The following SPATS2 variants were observed in gnomAD, a reference collection of about 807,000 sequenced individuals.
SPATS2 encodes spermatogenesis-associated serine-rich protein 2.
In SPATS2, 38 loss-of-function variants were observed where a neutral mutation model predicts 63.7. The observed-to-expected ratio is 0.60, with a 90% CI of 0.46 to 0.78. The LOEUF (loss-of-function observed/expected upper bound fraction) is 0.78. Ranked by LOEUF, SPATS2 falls within the 30% of genes least tolerant of loss-of-function variation. The probability of loss-of-function intolerance (pLI) is 0.00; values close to 1 mark genes in which losing one functional copy is unlikely to be tolerated. For missense variants in SPATS2, 588 were observed against 666.2 expected (o/e 0.88, Z 1.29); for synonymous variants, 207 against 232.9 (o/e 0.89, Z 1.01).
chr12:49,454,948 G>A (rs929814578), intron 2 of SPATS2, among the ~76,000 whole-genome samples: 8 of 150,230 alleles, frequency 5.3e-5, no homozygotes, highest in African/African-American at 1.5e-4. Flanking sequence ...ACCTCTTCAC[G>A]TTCATGCTAG....
chr12:49,477,999 G>T, intron 3 of SPATS2, among the ~76,000 whole-genome samples: 1 of 143,266 alleles, frequency 7.0e-6, no homozygotes, highest in Middle Eastern at 3.6e-3. Flanking sequence ...TTTTGAGACA[G>T]GGTCTTGCTC....
chr12:49,487,480 G>A (rs1051056649), intron 4 of SPATS2, among the ~76,000 whole-genome samples: 14 of 151,946 alleles, frequency 9.2e-5, no homozygotes, highest in African/African-American at 2.7e-4. Context: ...GTGAGACTCC[G>A]CCTCCAAAAA....
chr12:49,501,843 T>A (rs574025299), intron 9 of SPATS2, among the ~76,000 whole-genome samples: 2 of 152,310 alleles, frequency 1.3e-5, no homozygotes, highest in South Asian at 4.1e-4. Flanking sequence ...GGTCTCGAAC[T>A]CCTGACCTCA....
intron 5 of SPATS2, among the ~76,000 whole-genome samples, chr12:49,489,954 C>T (rs569268749): frequency 4.6e-5 from 7 of 152,278 alleles, no homozygotes; most frequent in East Asian, 1.9e-4. Context: ...TATTGTCTTC[C>T]GGATTCTAAT....
intron 3 of SPATS2, among the ~76,000 whole-genome samples, chr12:49,475,076 A>C (rs966731747): frequency 6.6e-6 from 1 of 152,190 alleles, no homozygotes; most frequent in African/African-American, 2.4e-5. Context: ...CCCACAACAC[A>C]TGGGAATTAT....
chr12:49,423,722 C>A (rs1286426656), intron 2 of SPATS2, among the ~76,000 whole-genome samples: 3 of 152,172 alleles, frequency 2.0e-5, no homozygotes, highest in African/African-American at 7.2e-5. Flanking sequence ...TAAAGAAACC[C>A]TGTAAGTAAC....
intron 2 of SPATS2, chr12:49,389,472 A>G (rs1944381430): frequency 2.6e-6 from 2 of 755,018 alleles, no homozygotes; most frequent in Admixed American, 2.0e-5. Flanking sequence ...TCATCGCCAC[A>G]GCTGACGGCT....
intron 2 of SPATS2, among the ~76,000 whole-genome samples, chr12:49,408,449 T>G (rs891543770): frequency 5.3e-5 from 8 of 151,524 alleles, no homozygotes; most frequent in African/African-American, 1.7e-4. Flanking sequence ...GACAGGGTTT[T>G]GCCATGTTGG....
At chr12:49,488,530 T>C (rs990861299) in intron 4 of SPATS2, among the ~76,000 whole-genome samples, 2 of 151,938 alleles carry the variant, frequency 1.3e-5, no homozygotes, top group African/African-American at 4.8e-5. Context: ...TGGTGGCACA[T>C]GCCTGTAATC....
At chr12:49,410,932 T>C (rs1387932315) in intron 2 of SPATS2, among the ~76,000 whole-genome samples, 1 of 136,148 alleles carries the variant, frequency 7.3e-6, no homozygotes, top group Non-Finnish European at 1.7e-5. Flanking sequence ...CCTGACACTT[T>C]TAGTTTTATA....
chr12:49,385,136 T>G (rs7969099), intron 2 of SPATS2, among the ~76,000 whole-genome samples: 44,911 of 151,906 alleles, frequency 0.3, 8,976 homozygotes, highest in African/African-American at 0.57. Flanking sequence ...AAGTTTTACT[T>G]AGTGCCTACT....
At position 49,484,577 on chromosome 12, in the gene SPATS2, C is replaced by T. The variant is rs1946257579; in HGVS notation, c.26-13C>T. 1.2e-6 allele frequency: 2 copies of T among 1,612,610 alleles called. No homozygotes were observed. The highest frequency in any genetic ancestry group is 1.1e-5 in the South Asian group (1 of 90,924). On this transcript the variant is annotated splice_polypyrimidine_tract_variant and intron_variant, in intron 3 of 13. Coordinates refer to ENST00000552918, the MANE Select transcript of SPATS2 (RefSeq NM_023071.4). ...TGGATCATGTTGAATATATTTTTCC[C>T]TTATTCTTTCAGATTCATCAGGATT... is the stretch of plus-strand genomic sequence containing the variant.
chr12:49,437,575 C>T (rs1461273194), intron 2 of SPATS2, among the ~76,000 whole-genome samples: 2 of 152,212 alleles, frequency 1.3e-5, no homozygotes, highest in Non-Finnish European at 2.9e-5. Context: ...GTCTGCCATC[C>T]CGGCACCTCG....
At position 49,449,921 on chromosome 12, in the gene SPATS2, AT is replaced by A. The variant is rs367704050; in HGVS notation, c.-243-10846del. On this transcript the variant is annotated intron_variant, in intron 2 of 13. Transcript: ENST00000552918. The stretch of plus-strand genomic sequence containing the variant: ...AGAGTGGGATACTTAAGTCTTTATC[AT>A]TTGTTGAACTCTTTATTCTTTCTGT... Among the ~76,000 whole-genome samples, 72 of 152,176 alleles carry A rather than the reference AT, an allele frequency of 4.7e-4. No homozygotes were observed. In the South Asian group the frequency reaches 0.012, roughly 26 times the overall value.
chr12:49,478,810 G>A (rs1946159974), intron 3 of SPATS2, among the ~76,000 whole-genome samples: 3 of 152,110 alleles, frequency 2.0e-5, no homozygotes, highest in South Asian at 2.1e-4. Flanking sequence ...AACCTCTGTG[G>A]CCAGTGATGC....
Position 49,424,801 on chromosome 12 carries a change from TCC to T in SPATS2, c.-243-35967_-243-35966del, listed in dbSNP as rs1945043631. Among the ~76,000 whole-genome samples the T allele has an allele frequency of 5.3e-5, 8 of 152,266 alleles. No homozygotes were observed. The South Asian group carries it at 1.7e-3, about 32-fold the overall frequency. On this transcript the variant is annotated intron_variant, in intron 2 of 13. Transcript: ENST00000552918. ...TTCAAGTGATTCTCCTGCCTCAGCC[TCC>T]CAAGTAGCTGGGATTACAGGCACCC...
chr12:49,506,006 C>T (rs1946648918), intron 9 of SPATS2, among the ~76,000 whole-genome samples: 1 of 152,084 alleles, frequency 6.6e-6, no homozygotes, highest in Non-Finnish European at 1.5e-5. Context: ...TTTGTATACC[C>T]ATACAACCAT....
At position 49,522,815 on chromosome 12, in the gene SPATS2, T is replaced by C; in HGVS notation, c.1073T>C (p.Val358Ala). Residue 358 changes from valine (V) to alanine (A), a missense_variant, in exon 12 of 14, where the codon GTA (valine) becomes GCA (alanine). Val to Ala is a moderately conservative substitution (Grantham distance 64). Coordinates refer to ENST00000552918, the MANE Select transcript of SPATS2 (RefSeq NM_023071.4). The stretch of plus-strand genomic sequence containing the variant: ...CGAGTAGCCCGGTTCACCTGTGATG[T>C]AGAGACCCTAAAGAAGAGCATTGAT... ...LGRVARFTCD[V>A]ETLKKSIDSF... 1 of 1,613,752 alleles carries C rather than the reference T, an allele frequency of 6.2e-7. No homozygotes were observed. The highest frequency in any genetic ancestry group is 1.1e-5 in the South Asian group (1 of 91,072).
At position 49,521,751 on chromosome 12, in the gene SPATS2, A is replaced by G. The variant is rs184630767; in HGVS notation, c.1009-1000A>G. ...CTCAACAAACCCTAGAATTTGTTTC[A>G]GAATTAATCTCAGACTGATATTACA... On this transcript the variant is annotated intron_variant, in intron 11 of 13. Transcript: ENST00000552918. 3.3e-5 allele frequency among the ~76,000 whole-genome samples: 5 copies of G among 152,320 alleles called. 1 individual carries two copies. Among genetic ancestry groups the G allele is most frequent in the African/African-American group, 1.2e-4 (5 of 41,556 alleles).
Sources: gnomAD v4.1 joint callset for allele counts (sites outside exome capture counted in the v4.1 genomes callset) on GRCh38, gnomAD v4.1.1 for gene constraint, MANE v1.5 for transcripts, NCBI Gene and HGNC (gene_info 2026-07-23, HGNC 2026-07-21) for gene names.